The following AGBL1 variants were observed in gnomAD, a reference collection of about 807,000 sequenced individuals.
AGBL1 encodes cytosolic carboxypeptidase 4.
A neutral mutation model predicts 118.9 loss-of-function variants in AGBL1; 130 were observed. That is an observed-to-expected ratio of 1.09 (90% CI 0.95 to 1.26). AGBL1 has a LOEUF of 1.26. Among genes scored for constraint, AGBL1 ranks in the 50% most tolerant of loss-of-function variants. The pLI is 0.00. For missense variants in AGBL1, 1,584 were observed against 1,298.1 expected, an observed-to-expected ratio of 1.22 and a Z score of -3.38; for synonymous variants, 555 against 478.9, an observed-to-expected ratio of 1.16 and a Z score of -2.08.
At chr15:86,698,002 G>A (rs1037079419) in intron 22 of AGBL1, among the ~76,000 whole-genome samples, 3 of 151,952 alleles carry the variant, frequency 2.0e-5, no homozygotes, top group African/African-American at 7.2e-5. Flanking sequence ...AGCTTTCCTA[G>A]TATATTCCTG....
chr15:86,611,463 C>T (rs191932220), intron 21 of AGBL1, among the ~76,000 whole-genome samples: 3 of 152,212 alleles, frequency 2.0e-5, no homozygotes, highest in African/African-American at 7.2e-5. Context: ...TCTGCAGAGT[C>T]ATTCAGTTTT....
intron 7 of AGBL1, among the ~76,000 whole-genome samples, chr15:86,256,460 G>A (rs1262365784): frequency 2.6e-5 from 4 of 152,168 alleles, no homozygotes; most frequent in South Asian, 2.1e-4. Context: ...ATTGCCTAAC[G>A]TAGGCAATAA....
intron 21 of AGBL1, among the ~76,000 whole-genome samples, chr15:86,578,303 C>G (rs1214118690): frequency 1.3e-5 from 2 of 152,024 alleles, no homozygotes; most frequent in South Asian, 4.2e-4. Flanking sequence ...GGGATGTAGC[C>G]CCTTCATTTT....
intron 17 of AGBL1, among the ~76,000 whole-genome samples, chr15:86,321,159 G>A (rs1425907082): frequency 6.6e-6 from 1 of 152,144 alleles, no homozygotes; most frequent in Non-Finnish European, 1.5e-5. Flanking sequence ...TGAAGAGTGT[G>A]TGTAACATTA....
intron 22 of AGBL1, among the ~76,000 whole-genome samples, chr15:86,717,945 G>C (rs2086662189): frequency 6.6e-6 from 1 of 152,086 alleles, no homozygotes; most frequent in Non-Finnish European, 1.5e-5. Context: ...GGGCGTGATG[G>C]CATGCACCTG....
At chr15:86,603,794 G>A (rs898674514) in intron 21 of AGBL1, among the ~76,000 whole-genome samples, 3 of 152,126 alleles carry the variant, frequency 2.0e-5, no homozygotes, top group African/African-American at 7.2e-5. Flanking sequence ...GAACCCAGAG[G>A]GCCCTGTGGA....
intron 18 of AGBL1, among the ~76,000 whole-genome samples, chr15:86,499,612 A>C (rs752782006): frequency 6.6e-6 from 1 of 151,974 alleles, no homozygotes; most frequent in African/African-American, 2.4e-5. Flanking sequence ...GCAGAATAGC[A>C]AACAGGTAAT....
chr15:86,379,078 G>T (rs894125629), intron 17 of AGBL1, among the ~76,000 whole-genome samples: 12 of 151,690 alleles, frequency 7.9e-5, no homozygotes, highest in Non-Finnish European at 1.6e-4. Flanking sequence ...ATGCACAGCT[G>T]ATTTTTGTAT....
intron 22 of AGBL1, among the ~76,000 whole-genome samples, chr15:86,726,276 A>G (rs1163729334): frequency 6.6e-6 from 1 of 152,152 alleles, no homozygotes; most frequent in East Asian, 1.9e-4. Flanking sequence ...TGACAGATGC[A>G]AGATCTGGAA....
rs1343100200 is a variant in AGBL1 at position 86,407,136 on chromosome 15, T to C, written c.2555+9590T>C. Among the ~76,000 whole-genome samples, 5 of 152,356 alleles carry C rather than the reference T, an allele frequency of 3.3e-5. No individual in the cohort carries two copies. In the East Asian group the frequency reaches 9.7e-4, roughly 29 times the overall value. On this transcript the variant is annotated intron_variant, in intron 18 of 22. Transcript: ENST00000614907. ...CCTTTTCATTTTCTGTCAATCTGAT[T>C]GGATAAACATGATTTTATTTTCATT...
chr15:86,443,447 C>T (rs1385069575), intron 18 of AGBL1, among the ~76,000 whole-genome samples: 2 of 152,086 alleles, frequency 1.3e-5, no homozygotes, highest in South Asian at 4.1e-4. Flanking sequence ...TTTATCATTT[C>T]TTTGTGTTGG....
At position 86,079,909 on chromosome 15, in the gene AGBL1, C is replaced by T; in HGVS notation, c.-64C>T. 8.4e-7 allele frequency: 1 copy of T among 1,189,660 alleles called. No homozygotes were observed. The highest frequency in any genetic ancestry group is 1.1e-6 in the Non-Finnish European group (1 of 948,662). The allele number at this position is 1,189,660 out of a possible 1,614,324, so 73.7% of individuals were successfully genotyped here. On this transcript the variant is annotated 5_prime_UTR_variant, in exon 1 of 23. Transcript: ENST00000614907. ...GAGGCGGGCAGCGAGGTCAGCTTGG[C>T]AGCCGCTGCCTCTCCAGCCTGGATC...
intron 21 of AGBL1, among the ~76,000 whole-genome samples, chr15:86,640,231 A>G (rs554763701): frequency 6.6e-6 from 1 of 152,146 alleles, no homozygotes; most frequent in Non-Finnish European, 1.5e-5. Flanking sequence ...CCTTCCAAAG[A>G]TATATTTATG....
In AGBL1 at chr15:86,773,273, G is replaced by A. The variant is rs554782183; in HGVS notation, c.3158+98837G>A. The stretch of plus-strand genomic sequence containing the variant: ...AATTCAACATGGTAATGCAGTGATG[G>A]GGTACGGAGGAGGCACTCCTGAGTG... On this transcript the variant is annotated intron_variant, in intron 22 of 22. Coordinates refer to ENST00000614907, the MANE Select transcript of AGBL1 (RefSeq NM_001386094.1). Among the ~76,000 whole-genome samples the A allele has an allele frequency of 2.6e-5, 4 of 152,114 alleles. No homozygotes were observed. The South Asian group carries it at 8.3e-4, about 32-fold the overall frequency.
At chr15:86,672,404 C>G (rs928148606) in intron 21 of AGBL1, among the ~76,000 whole-genome samples, 1 of 152,198 alleles carries the variant, frequency 6.6e-6, no homozygotes, top group Non-Finnish European at 1.5e-5. Context: ...ATGGCATATA[C>G]TGTGAGGTTT....
At chr15:86,479,415 CA>C (rs1254316503) in intron 18 of AGBL1, among the ~76,000 whole-genome samples, 8 of 152,132 alleles carry the variant, frequency 5.3e-5, no homozygotes, top group Non-Finnish European at 2.9e-5. Context: ...AACAAGTGGG[CA>C]AAGGATATGA....
At chr15:86,318,800 A>T (rs1238818756) in intron 17 of AGBL1, among the ~76,000 whole-genome samples, 3 of 144,742 alleles carry the variant, frequency 2.1e-5, no homozygotes, top group Non-Finnish European at 4.5e-5. Context: ...GCATGAATCC[A>T]TGTAAAGGTC....
chr15:86,303,800 C>T (rs989121192), intron 17 of AGBL1, among the ~76,000 whole-genome samples: 1 of 152,080 alleles, frequency 6.6e-6, no homozygotes, highest in Non-Finnish European at 1.5e-5. Context: ...TAATGATTTG[C>T]ATATTTCAAG....
chr15:86,230,705 A>T lies in AGBL1; in HGVS notation c.526+5754A>T, dbSNP rs565776460. 1.5e-3 allele frequency among the ~76,000 whole-genome samples: 224 copies of T among 152,320 alleles called. 3 individuals are homozygous for T. In the South Asian group the frequency reaches 0.045, roughly 31 times the overall value. On this transcript the variant is annotated intron_variant, in intron 6 of 22. Transcript: ENST00000614907. The stretch of plus-strand genomic sequence containing the variant: ...AGGGATATTCAAATATTTGTTTTTA[A>T]AAATTCGTTCTTATTATTCATTTTT...
Sources: allele counts gnomAD v4.1 joint callset (sites outside exome capture counted in the v4.1 genomes callset), GRCh38; gene constraint gnomAD v4.1.1; transcripts MANE v1.5; gene names NCBI Gene and HGNC (gene_info 2026-07-23, HGNC 2026-07-21).